The following NUP210L variants were observed in gnomAD, a reference collection of about 807,000 sequenced individuals.
NUP210L encodes nuclear pore membrane glycoprotein 210-like.
NUP210L carries 74 observed loss-of-function variants against 208.5 expected under a neutral mutation model. The ratio of observed to expected loss-of-function variants is 0.35; its 90% CI spans 0.29 to 0.43. NUP210L has a LOEUF of 0.43. NUP210L is among the 20% of genes least tolerant of loss of function. The pLI is 1.00. For missense variants in NUP210L, 1,843 were observed against 2,289.4 expected (o/e 0.81, Z 3.98); for synonymous variants, 780 against 816.9 (o/e 0.95, Z 0.77).
intron 17 of NUP210L, among the ~76,000 whole-genome samples, chr1:154,066,484 G>A (rs1168403823): frequency 1.3e-5 from 2 of 152,246 alleles, no homozygotes; most frequent in East Asian, 1.9e-4. Flanking sequence ...GGTGGCGGGC[G>A]CCTGTAGTCC....
intron 16 of NUP210L, among the ~76,000 whole-genome samples, chr1:154,080,400 G>A (rs1256618459): frequency 2.9e-5 from 4 of 138,710 alleles, no homozygotes; most frequent in Admixed American, 1.4e-4. Flanking sequence ...ATGACTGGGC[G>A]CAGTGGCTCA....
rs185800512 is a variant in NUP210L, at chr1:153,992,802, C to T, written c.*33G>A. ...GTCGAGGACTAGAAATCTTCATTCC[C>T]CTGCAGTTAAGAGAAACTTGTCCAA... On this transcript the variant is annotated 3_prime_UTR_variant, in exon 40 of 40. Transcript: ENST00000368559. The T allele has an allele frequency of 1.2e-4, 171 of 1,413,544 alleles. 2 individuals carry two copies. Among genetic ancestry groups the T allele is most frequent in the South Asian group, 2.5e-4 (20 of 80,024 alleles). The allele number at this position is 1,413,544 out of a possible 1,614,324, so 87.6% of individuals were successfully genotyped here. A position where few individuals can be genotyped will look rare whatever the true frequency, so the allele number is the denominator to read the frequency against.
intron 10 of NUP210L, among the ~76,000 whole-genome samples, chr1:154,119,766 GC>G: frequency 6.6e-6 from 1 of 152,256 alleles, no homozygotes; most frequent in African/African-American, 2.4e-5. Flanking sequence ...GTGTATATGT[GC>G]CACATTTTCT....
intron 37 of NUP210L, among the ~76,000 whole-genome samples, chr1:153,997,776 C>T (rs550002510): frequency 2.0e-5 from 3 of 151,082 alleles, no homozygotes; most frequent in African/African-American, 7.3e-5. Context: ...CTGCAACCTC[C>T]GCCTCCCCAT....
At chr1:154,053,255 A>G (rs917073538) in intron 25 of NUP210L, among the ~76,000 whole-genome samples, 1 of 152,256 alleles carries the variant, frequency 6.6e-6, no homozygotes, top group East Asian at 1.9e-4. Context: ...TAACATGGAT[A>G]AAAACACTTG....
chr1:154,139,684 AAAC>A lies in NUP210L; in HGVS notation c.717+115_717+117del. On this transcript the variant is annotated intron_variant, in intron 5 of 39. Transcript: ENST00000368559. ...TCTGTCTCTACAAAAACAAACAAAC[AAAC>A]AAAAAAAAAAAAAAAACAGGGCGGG... The A allele has an allele frequency of 7.7e-6, 6 of 780,238 alleles. No individual in the cohort carries two copies. The East Asian group carries it at 1.7e-4, about 22-fold the overall frequency. The allele number at this position is 780,238 out of a possible 1,614,324, so 48.3% of individuals were successfully genotyped here. A position where few individuals can be genotyped will look rare whatever the true frequency, so the allele number is the denominator to read the frequency against.
At chr1:154,110,282 A>T (rs1335770381) in intron 12 of NUP210L, among the ~76,000 whole-genome samples, 6 of 142,290 alleles carry the variant, frequency 4.2e-5, no homozygotes, top group Admixed American at 3.5e-4. Flanking sequence ...CCAATGTTGT[A>T]TTTTTTTTTT....
chr1:154,019,623 T>C (rs563216577), intron 32 of NUP210L, among the ~76,000 whole-genome samples: 2 of 151,774 alleles, frequency 1.3e-5, no homozygotes, highest in Admixed American at 6.6e-5. Context: ...GTCAAAAATA[T>C]AGCTAAAAAG....
chr1:154,040,648 G>T (rs1024750393), intron 27 of NUP210L, among the ~76,000 whole-genome samples: 14 of 151,030 alleles, frequency 9.3e-5, no homozygotes, highest in African/African-American at 2.9e-4. Context: ...GTGCAGTGGC[G>T]TGATCTTGGC....
At chr1:154,012,509 A>C (rs1234522890) in intron 33 of NUP210L, 139 bp from the exon 34 acceptor site, 23 of 776,694 alleles carry the variant, frequency 3.0e-5, no homozygotes, top group Non-Finnish European at 4.4e-5. Flanking sequence ...CACATATTTG[A>C]GAACAACAAA....
chr1:154,121,286 G>A (rs961362968), intron 10 of NUP210L, among the ~76,000 whole-genome samples: 1 of 152,080 alleles, frequency 6.6e-6, no homozygotes, highest in Non-Finnish European at 1.5e-5. Flanking sequence ...GCATGCCATG[G>A]AATAGCAGTG....
intron 38 of NUP210L, among the ~76,000 whole-genome samples, chr1:153,993,918 A>G (rs1160877144): frequency 6.6e-6 from 1 of 152,142 alleles, no homozygotes; most frequent in Non-Finnish European, 1.5e-5. Flanking sequence ...TTTTAGACAC[A>G]CAGTATCACT....
chr1:154,026,771 CATT>C (rs1317538458), intron 29 of NUP210L, among the ~76,000 whole-genome samples: 2 of 152,048 alleles, frequency 1.3e-5, no homozygotes, highest in Non-Finnish European at 2.9e-5. Context: ...ACCTCAAAAA[CATT>C]ATGCTAACTT....
chr1:154,061,579 C>A lies in NUP210L; in HGVS notation c.2643+7G>T, dbSNP rs1307365973. On this transcript the variant is annotated splice_region_variant and intron_variant, in intron 18 of 39. Coordinates refer to ENST00000368559, the Ensembl canonical transcript of NUP210L. ...TTTATATTTCTTACATTATAATCTCCACTCACTTTTGGGCTTTTCTTCTCT... is the reference window on the plus strand; with the variant it reads ...TTTATATTTCTTACATTATAATCTCAACTCACTTTTGGGCTTTTCTTCTCT... 6.8e-7 allele frequency: 1 copy of A among 1,473,044 alleles called. No individual in the cohort carries two copies. The allele number at this position is 1,473,044 out of a possible 1,614,324, so 91.2% of individuals were successfully genotyped here.
At chr1:154,046,298 T>A (rs1653174258) in exon 26 of NUP210L, 5 of 1,614,190 alleles carry the variant, frequency 3.1e-6, no homozygotes, top group Non-Finnish European at 4.2e-6. Flanking sequence ...CCTTGGTAGC[T>A]GTGATGAGCC....
intron 3 of NUP210L, among the ~76,000 whole-genome samples, chr1:154,142,919 T>C (rs1571324545): frequency 6.7e-6 from 1 of 149,210 alleles, no homozygotes; most frequent in South Asian, 2.1e-4. Context: ...CCAGGCGCGG[T>C]GGCTCACGCC....
chr1:154,121,458 A>G (rs186261555), intron 10 of NUP210L, among the ~76,000 whole-genome samples: 1 of 152,294 alleles, frequency 6.6e-6, no homozygotes, highest in Admixed American at 6.5e-5. Flanking sequence ...CCCATTATGT[A>G]GTATACATTG....
intron 34 of NUP210L, 61 bp from the exon 35 acceptor site, chr1:154,010,182 C>A (rs1202143162): frequency 6.6e-6 from 10 of 1,518,890 alleles, no homozygotes; most frequent in Non-Finnish European, 9.0e-6. Context: ...AAAAGAGAGA[C>A]CATTATATGG....
At chr1:154,058,943 C>A (rs529208390) in intron 20 of NUP210L, among the ~76,000 whole-genome samples, 2 of 152,176 alleles carry the variant, frequency 1.3e-5, no homozygotes, top group African/African-American at 4.8e-5. Context: ...AATCCCAGCA[C>A]TTTGGGAGGC....
Sources: gnomAD v4.1 joint callset for allele counts (sites outside exome capture counted in the v4.1 genomes callset) on GRCh38, gnomAD v4.1.1 for gene constraint, MANE v1.5 for transcripts, NCBI Gene and HGNC (gene_info 2026-07-23, HGNC 2026-07-21) for gene names.